ROBO2: variants seen among roughly 807,000 people sequenced by gnomAD.
ROBO2 encodes the protein roundabout guidance receptor 2.
A neutral mutation model predicts 160.8 loss-of-function variants in ROBO2; 53 were observed. The ratio of observed to expected loss-of-function variants is 0.33; its 90% CI spans 0.26 to 0.41. The LOEUF (loss-of-function observed/expected upper bound fraction) is 0.41. Ranked by LOEUF, ROBO2 falls within the 10% of genes least tolerant of loss-of-function variation. The pLI is 1.00. For synonymous variants in ROBO2, 664 were observed against 611.7 expected, an observed-to-expected ratio of 1.09 and a Z score of -1.26; for missense variants, 1,577 against 1,722.4, an observed-to-expected ratio of 0.92 and a Z score of 1.49.
At chr3:77,444,490 CT>C (rs1224248803) in intron 2 of ROBO2, among the ~76,000 whole-genome samples, 1 of 152,116 alleles carries the variant, frequency 6.6e-6, no homozygotes, top group Non-Finnish European at 1.5e-5. Context: ...ATACCAGTTT[CT>C]GTCTGTTGGT....
intron 2 of ROBO2, among the ~76,000 whole-genome samples, chr3:76,895,554 T>C (rs928600672): frequency 1.3e-5 from 2 of 152,116 alleles, no homozygotes; most frequent in Non-Finnish European, 2.9e-5. Flanking sequence ...CCAAGTACCA[T>C]TCATATAAGA....
At chr3:76,321,099 A>C (rs2072482317) in intron 2 of ROBO2, among the ~76,000 whole-genome samples, 1 of 152,204 alleles carries the variant, frequency 6.6e-6, no homozygotes, top group Admixed American at 6.5e-5. Flanking sequence ...CATTTAGAAA[A>C]ATATATTGTA....
chr3:77,489,418 C>T (rs115380000), intron 4 of ROBO2, among the ~76,000 whole-genome samples: 1 of 152,094 alleles, frequency 6.6e-6, no homozygotes, highest in East Asian at 1.9e-4. Context: ...AAGTCCTGCA[C>T]CCCTGCTGAG....
chr3:76,340,862 A>T (rs2074181907), intron 2 of ROBO2, among the ~76,000 whole-genome samples: 1 of 152,152 alleles, frequency 6.6e-6, no homozygotes, highest in Non-Finnish European at 1.5e-5. Flanking sequence ...CAAGAATTAT[A>T]ATATGTTAGT....
Position 76,721,718 on chromosome 3 carries a change from T to C in ROBO2, c.110-376296T>C, listed in dbSNP as rs534894243. Among the ~76,000 whole-genome samples the C allele has an allele frequency of 3.7e-4, 57 of 152,354 alleles. 1 individual carries two copies. Among genetic ancestry groups the C allele is most frequent in the African/African-American group, 1.3e-3 (55 of 41,582 alleles). On this transcript the variant is annotated intron_variant, in intron 2 of 26. Coordinates refer to the ROBO2 transcript ENST00000487694. ...ATCCCTAAAAATGTACTGCTGTTTC[T>C]ACCACACTATTCTTTTTATTGTCAT... is the stretch of plus-strand genomic sequence containing the variant.
chr3:76,350,590 TATG>T (rs1454633082), intron 2 of ROBO2, among the ~76,000 whole-genome samples: 1 of 152,074 alleles, frequency 6.6e-6, no homozygotes, highest in East Asian at 1.9e-4. Flanking sequence ...ATGTTAAAAA[TATG>T]ATATTTAATA....
At chr3:77,489,032 G>A (rs894403929) in intron 4 of ROBO2, among the ~76,000 whole-genome samples, 1 of 152,110 alleles carries the variant, frequency 6.6e-6, no homozygotes, top group Non-Finnish European at 1.5e-5. Flanking sequence ...GAAAACAATT[G>A]GAATAATGAA....
In ROBO2 at chr3:77,552,003, A is replaced by G. The variant is rs117992340; in HGVS notation, c.1231+1014A>G. On this transcript the variant is annotated intron_variant, in intron 8 of 25. Coordinates refer to ENST00000461745, the Ensembl canonical transcript of ROBO2. ...GGGACATTGAGTCGTTAATGGCTGC[A>G]CCTGCTGATGCTGCAGAGATTTACT... Among the ~76,000 whole-genome samples the G allele has an allele frequency of 1.8e-4, 27 of 152,130 alleles. No individual in the cohort carries two copies. In the East Asian group the frequency reaches 5.2e-3, roughly 30 times the overall value.
chr3:76,844,529 T>A (rs959933669), intron 2 of ROBO2, among the ~76,000 whole-genome samples: 6 of 151,998 alleles, frequency 3.9e-5, no homozygotes, highest in Non-Finnish European at 5.9e-5. Context: ...TGTAACATTG[T>A]GTACTTGAGC....
chr3:76,410,722 A>AAAG (rs1490896747), intron 2 of ROBO2, among the ~76,000 whole-genome samples: 1 of 152,188 alleles, frequency 6.6e-6, no homozygotes, highest in African/African-American at 2.4e-5. Context: ...TTATGCCCTA[A>AAAG]AAGAATGTCA....
intron 2 of ROBO2, among the ~76,000 whole-genome samples, chr3:76,869,644 C>T (rs937552675): frequency 2.6e-5 from 4 of 152,004 alleles, no homozygotes; most frequent in Admixed American, 6.5e-5. Context: ...CCACCGCGCC[C>T]GGCCGATCTT....
chr3:76,124,180 G>A (rs115544225), intron 2 of ROBO2, among the ~76,000 whole-genome samples: 2,523 of 152,060 alleles, frequency 0.017, 27 homozygotes, highest in Non-Finnish European at 0.026. Context: ...GAAAAAATTC[G>A]AAAATATGCG....
chr3:76,268,189 G>C (rs1707212437), intron 2 of ROBO2, among the ~76,000 whole-genome samples: 1 of 150,202 alleles, frequency 6.7e-6, no homozygotes. Flanking sequence ...AGGATCACTT[G>C]ATTCCAGGAA....
intron 2 of ROBO2, among the ~76,000 whole-genome samples, chr3:76,145,983 C>T (rs543864791): frequency 6.6e-6 from 1 of 152,112 alleles, no homozygotes; most frequent in African/African-American, 2.4e-5. Context: ...ACCTTAATTT[C>T]GTTGATTCCA....
At chr3:76,393,120 T>G (rs1007703937) in intron 2 of ROBO2, among the ~76,000 whole-genome samples, 4 of 152,182 alleles carry the variant, frequency 2.6e-5, no homozygotes, top group Non-Finnish European at 5.9e-5. Flanking sequence ...TTCCTAGATA[T>G]AACATCGTTT....
At chr3:76,864,361 A>G (rs1365035951) in intron 2 of ROBO2, among the ~76,000 whole-genome samples, 1 of 152,102 alleles carries the variant, frequency 6.6e-6, no homozygotes, top group Non-Finnish European at 1.5e-5. Flanking sequence ...GTTCTGGAAT[A>G]TTAGTTAAGC....
intron 2 of ROBO2, among the ~76,000 whole-genome samples, chr3:76,103,954 A>C (rs2069812255): frequency 6.6e-6 from 1 of 152,072 alleles, no homozygotes; most frequent in Non-Finnish European, 1.5e-5. Flanking sequence ...GAGGGACTTG[A>C]TGGTTGGGCT....
intron 2 of ROBO2, among the ~76,000 whole-genome samples, chr3:76,394,008 G>A (rs910967595): frequency 7.9e-5 from 12 of 152,100 alleles, no homozygotes; most frequent in African/African-American, 2.9e-4. Flanking sequence ...TTTATTTTGA[G>A]CCTATGTGTG....
At chr3:76,424,206 T>C (rs2076115716) in intron 2 of ROBO2, among the ~76,000 whole-genome samples, 1 of 152,208 alleles carries the variant, frequency 6.6e-6, no homozygotes, top group Non-Finnish European at 1.5e-5. Context: ...AAAAATATTA[T>C]TCAATACTTA....
Sources: allele counts gnomAD v4.1 joint callset (sites outside exome capture counted in the v4.1 genomes callset), GRCh38; gene constraint gnomAD v4.1.1; transcripts MANE v1.5; gene names NCBI Gene and HGNC (gene_info 2026-07-23, HGNC 2026-07-21).